Variants in ITGAX observed in about 807,000 individuals in gnomAD.
ITGAX encodes integrin alpha-X.
ITGAX carries 99 observed loss-of-function variants against 140.2 expected under a neutral mutation model. That is an observed-to-expected ratio of 0.71 (90% CI 0.60 to 0.83). ITGAX has a LOEUF of 0.83. ITGAX is among the 40% of genes least tolerant of loss of function. ITGAX has a pLI of 0.00. For synonymous variants in ITGAX, 631 were observed against 600.4 expected (o/e 1.05, Z -0.75); for missense variants, 1,444 against 1,482.0 (o/e 0.97, Z 0.42).
At chr16:31,380,149 T>G in intron 26 of ITGAX, 84 bp downstream of exon 26, 1 of 1,537,910 alleles carries the variant, frequency 6.5e-7, no homozygotes, top group Non-Finnish European at 9.0e-7. Flanking sequence ...ATATCCATCC[T>G]GCTGAAGTAC....
chr16:31,379,894 C>G, intron 25 of ITGAX, 30 bp downstream of exon 25: 2 of 1,609,850 alleles, frequency 1.2e-6, no homozygotes, highest in African/African-American at 1.3e-5. Context: ...GGCTCCTCCA[C>G]GAATGCCCTT....
intron 5 of ITGAX, chr16:31,357,898 T>C (rs957724654): frequency 1.9e-5 from 4 of 215,152 alleles, no homozygotes; most frequent in Non-Finnish European, 3.7e-5. Flanking sequence ...TGTGCATGTA[T>C]GTGTGTGTGC....
At chr16:31,381,032 C>T (rs2081065009) in intron 29 of ITGAX, 25 bp downstream of exon 29, 1 of 1,558,528 alleles carries the variant, frequency 6.4e-7, no homozygotes. Context: ...CCACTCTTGA[C>T]ACCACCAGCA....
chr16:31,371,246 G>A lies in ITGAX; in HGVS notation c.1841+32G>A, dbSNP rs74548606. 5,255 of 1,603,624 alleles carry A rather than the reference G, an allele frequency of 3.3e-3. 75 individuals carry two copies. In the African/African-American group the frequency reaches 0.042, roughly 13 times the overall value. Reference sequence around the variant, plus strand: ...GCAGCCTTTCTCAGAGGCTCCCCAGGTGGTCCTAGGTTCAGATGGGGGTGC... The same window carrying A: ...GCAGCCTTTCTCAGAGGCTCCCCAGATGGTCCTAGGTTCAGATGGGGGTGC... On this transcript the variant is annotated intron_variant, in intron 15 of 29. Coordinates refer to ENST00000268296, the MANE Select transcript of ITGAX (RefSeq NM_000887.5).
chr16:31,371,497 C>T lies in ITGAX; in HGVS notation c.2005C>T (p.Arg669Cys), dbSNP rs760762028. The T allele has an allele frequency of 6.2e-6, 10 of 1,613,648 alleles. No homozygotes were observed. The highest frequency in any genetic ancestry group is 3.3e-5 in the South Asian group (3 of 91,074). ...DKRSKNLLGS[R>C]DLQSSVTLDL... ...ACGTTCTAAGAACCTGCTTGGGAGC[C>T]GTGAGTCCCCTCCCCTCCAACCCAG... is the stretch of plus-strand genomic sequence containing the variant. Residue 669 changes from arginine to cysteine, a missense_variant and splice_region_variant, in exon 16 of 30, where the codon CGT becomes TGT. Arg to Cys is a radical substitution (Grantham distance 180, BLOSUM62 -3). Coordinates refer to ENST00000268296, the MANE Select transcript of ITGAX (RefSeq NM_000887.5).
intron 8 of ITGAX, chr16:31,360,726 G>A: frequency 1.9e-6 from 1 of 517,578 alleles, no homozygotes; most frequent in South Asian, 2.4e-5. Flanking sequence ...ATGTTGCCCA[G>A]GCTGGTCTCA....
rs560741189 is a variant in ITGAX, at chr16:31,380,942, C to G, written c.3322C>G (p.Leu1108Val). 18 of 1,614,158 alleles carry G rather than the reference C, an allele frequency of 1.1e-5. No individual in the cohort carries two copies. The highest frequency in any genetic ancestry group is 8.8e-5 in the South Asian group (8 of 91,074). ...EKYKVHNPTP[L>V]IVGSSIGGLL... is the part of the protein sequence containing the mutation. ...GTACAAGGTCCACAACCCCACCCCC[C>G]TCATCGTAGGCAGCTCCATTGGGGG... The change falls in exon 29 of 30, where the codon CTC (leucine) becomes GTC (valine). Residue 1108 changes from leucine to valine, a missense_variant. Transcript: ENST00000268296.
intron 14 of ITGAX, among the ~76,000 whole-genome samples, chr16:31,368,783 C>T (rs1311173747): frequency 6.6e-6 from 1 of 151,598 alleles, no homozygotes; most frequent in Non-Finnish European, 1.5e-5. Flanking sequence ...TCCCTGGGTA[C>T]TTGAGATTAG....
chr16:31,382,263 TGA>T lies in ITGAX; in HGVS notation c.*359_*360del. The T allele has an allele frequency of 1.1e-5, 10 of 936,550 alleles. No homozygotes were observed. Among genetic ancestry groups the T allele is most frequent in the East Asian group, 5.0e-5 (1 of 20,140 alleles). 58.0% of individuals were successfully genotyped at this position (936,550 alleles called of 1,614,324 possible). A position where few individuals can be genotyped will look rare whatever the true frequency, so the allele number is the denominator to read the frequency against. ...TTTTTTCTTTTCTTTTTTTTTTTTT[TGA>T]GACGGAGTCTCGCTCTGTCACCCAG... is the stretch of plus-strand genomic sequence containing the variant. On this transcript the variant is annotated 3_prime_UTR_variant, in exon 30 of 30. Coordinates refer to ENST00000268296, the MANE Select transcript of ITGAX (RefSeq NM_000887.5).
intron 2 of ITGAX, 85 bp from the exon 3 acceptor site, chr16:31,356,540 C>A: frequency 1.2e-6 from 1 of 822,864 alleles, no homozygotes; most frequent in Non-Finnish European, 2.0e-6. Context: ...AGCTGAGGCT[C>A]AGGGAGGGAA....
In ITGAX at chr16:31,362,603, C is replaced by T. The variant is rs371153209; in HGVS notation, c.1217-8C>T. 2 of 1,609,066 alleles carry T rather than the reference C, an allele frequency of 1.2e-6. No individual in the cohort carries two copies. The highest frequency in any genetic ancestry group is 1.7e-6 in the Non-Finnish European group (2 of 1,178,354). On this transcript the variant is annotated splice_polypyrimidine_tract_variant and splice_region_variant and intron_variant, in intron 11 of 29. Transcript: ENST00000268296. ...GGGGGCCTTTGTGCTGAGGCCTGGG[C>T]CCCTCAGGTTACTCCACCGAGCTGG...
chr16:31,375,512 C>A (rs912813969), intron 20 of ITGAX, among the ~76,000 whole-genome samples: 2 of 152,224 alleles, frequency 1.3e-5, no homozygotes, highest in Non-Finnish European at 2.9e-5. Context: ...CAGCAGGGAA[C>A]AGACAAAGAC....
At chr16:31,366,130 G>T (rs1199699870) in intron 14 of ITGAX, among the ~76,000 whole-genome samples, 1 of 152,214 alleles carries the variant, frequency 6.6e-6, no homozygotes, top group East Asian at 1.9e-4. Context: ...CTGAAGGTAT[G>T]CAGCGACCCT....
At chr16:31,356,274 G>A in intron 2 of ITGAX, 1 of 445,430 alleles carries the variant, frequency 2.2e-6, no homozygotes, top group South Asian at 4.1e-5. Context: ...ACACTTATTT[G>A]TTTTTTCTTT....
intron 2 of ITGAX, 46 bp from the exon 3 acceptor site, chr16:31,356,579 T>C: frequency 7.2e-7 from 1 of 1,381,386 alleles, no homozygotes; most frequent in Non-Finnish European, 1.0e-6. Flanking sequence ...GCAGCTGTGC[T>C]GCAGCGTCCA....
chr16:31,355,219 C>T lies in ITGAX; in HGVS notation c.-36C>T. On this transcript the variant is annotated 5_prime_UTR_variant, in exon 1 of 30. Coordinates refer to ENST00000268296, the MANE Select transcript of ITGAX (RefSeq NM_000887.5). ...TTGGTCCAGCTCTTCCTGCAACGGC[C>T]CAGGAGCTCAGAGCTCCACATCTGA... 2 of 1,612,628 alleles carry T rather than the reference C, an allele frequency of 1.2e-6. No homozygotes were observed. The highest frequency in any genetic ancestry group is 1.7e-6 in the Non-Finnish European group (2 of 1,179,056).
chr16:31,362,879 C>T (rs2142495365), intron 12 of ITGAX, 56 bp from the exon 13 acceptor site: 1 of 1,607,836 alleles, frequency 6.2e-7, no homozygotes, highest in Middle Eastern at 2.1e-4. Flanking sequence ...TGGGACCTGG[C>T]CCACAGGGCT....
At chr16:31,381,750 C>G in intron 29 of ITGAX, 53 bp from the exon 30 acceptor site, 1 of 859,846 alleles carries the variant, frequency 1.2e-6, no homozygotes, top group Admixed American at 1.7e-5. Context: ...CATCTCTTTT[C>G]CTCTCTTCCA....
intron 14 of ITGAX, 97 bp from the exon 15 acceptor site, chr16:31,370,987 C>T (rs2080950208): frequency 6.6e-7 from 1 of 1,507,594 alleles, no homozygotes; most frequent in South Asian, 1.2e-5. Flanking sequence ...CCCTTCTCTC[C>T]CTTTCCGATG....
Sources: allele counts gnomAD v4.1 joint callset (sites outside exome capture counted in the v4.1 genomes callset), GRCh38; gene constraint gnomAD v4.1.1; transcripts MANE v1.5; gene names NCBI Gene and HGNC (gene_info 2026-07-23, HGNC 2026-07-21).